The following ALCAM variants were observed in gnomAD, a reference collection of about 807,000 sequenced individuals.
ALCAM encodes CD166 antigen.
ALCAM carries 30 observed loss-of-function variants against 70.9 expected under a neutral mutation model. The observed-to-expected ratio is 0.42, with a 90% CI of 0.32 to 0.57. ALCAM has a LOEUF of 0.57. ALCAM is among the 20% of genes least tolerant of loss of function. The pLI is 0.11. For synonymous variants in ALCAM, 249 were observed against 242.5 expected, an observed-to-expected ratio of 1.03 and a Z score of -0.25; for missense variants, 591 against 695.1, an observed-to-expected ratio of 0.85 and a Z score of 1.68.
intron 1 of ALCAM, among the ~76,000 whole-genome samples, chr3:105,514,563 A>T (rs1559817491): frequency 6.6e-6 from 1 of 152,100 alleles, no homozygotes; most frequent in South Asian, 2.1e-4. Flanking sequence ...ATGGATTATT[A>T]TATTGGCTTA....
chr3:105,468,218 C>T (rs1937806273), intron 1 of ALCAM, among the ~76,000 whole-genome samples: 3 of 151,340 alleles, frequency 2.0e-5, no homozygotes, highest in Admixed American at 1.3e-4. Flanking sequence ...CGTTCTCTTT[C>T]TCTGGCACTA....
At chr3:105,439,022 G>A (rs540784699) in intron 1 of ALCAM, among the ~76,000 whole-genome samples, 1 of 152,270 alleles carries the variant, frequency 6.6e-6, no homozygotes, top group East Asian at 1.9e-4. Context: ...TTGCAAAATA[G>A]GTGAAAGCAT....
At chr3:105,393,265 A>G (rs1935867861) in intron 1 of ALCAM, among the ~76,000 whole-genome samples, 1 of 151,802 alleles carries the variant, frequency 6.6e-6, no homozygotes, top group Non-Finnish European at 1.5e-5. Context: ...GATGTTTTGA[A>G]GTGATTTGCA....
intron 1 of ALCAM, among the ~76,000 whole-genome samples, chr3:105,509,472 G>A (rs899152296): frequency 3.9e-5 from 6 of 151,952 alleles, no homozygotes; most frequent in Non-Finnish European, 8.8e-5. Flanking sequence ...GTGATGTTGA[G>A]TACCTTTTCA....
At chr3:105,559,638 A>G (rs1229807637) in intron 14 of ALCAM, among the ~76,000 whole-genome samples, 1 of 152,110 alleles carries the variant, frequency 6.6e-6, no homozygotes, top group Non-Finnish European at 1.5e-5. Flanking sequence ...CATTCAGTAT[A>G]TAGCAGTGAC....
chr3:105,453,430 C>T (rs576133504), intron 1 of ALCAM, among the ~76,000 whole-genome samples: 1 of 152,156 alleles, frequency 6.6e-6, no homozygotes, highest in South Asian at 2.1e-4. Context: ...GCATTGGTCC[C>T]AATGTCTGTG....
At chr3:105,475,188 C>T (rs1938072396) in intron 1 of ALCAM, among the ~76,000 whole-genome samples, 1 of 151,736 alleles carries the variant, frequency 6.6e-6, no homozygotes, top group South Asian at 2.1e-4. Flanking sequence ...TGTTTTGAAG[C>T]CTGGATTTTG....
chr3:105,460,649 A>C (rs1049712506), intron 1 of ALCAM, among the ~76,000 whole-genome samples: 5 of 151,968 alleles, frequency 3.3e-5, no homozygotes, highest in African/African-American at 9.7e-5. Flanking sequence ...CAGAGGCAAA[A>C]GAAACACAGA....
rs1308675595 is a variant in ALCAM at position 105,575,496 on chromosome 3, C to A, written c.*1045C>A. The A allele has an allele frequency of 2.0e-5, 3 of 152,460 alleles. No homozygotes were observed. In the South Asian group the frequency reaches 6.2e-4, roughly 32 times the overall value. 9.4% of individuals were successfully genotyped at this position (152,460 alleles called of 1,614,324 possible). ...GTGTGTGTTTTTGTTAACTACCCTA[C>A]AGATATTGAATGCACCTTGAGATAA... On this transcript the variant is annotated 3_prime_UTR_variant, in exon 16 of 16. Transcript: ENST00000306107.
At chr3:105,379,128 A>G (rs765118885) in intron 1 of ALCAM, among the ~76,000 whole-genome samples, 1 of 152,010 alleles carries the variant, frequency 6.6e-6, no homozygotes, top group Admixed American at 6.6e-5. Context: ...AGCCAAGTTC[A>G]TTTGGTAGGA....
chr3:105,542,350 A>G (rs1191669881), intron 8 of ALCAM, among the ~76,000 whole-genome samples: 2 of 151,824 alleles, frequency 1.3e-5, no homozygotes, highest in Non-Finnish European at 2.9e-5. Flanking sequence ...ATCTCCAAAT[A>G]CTCCAAAAAT....
intron 1 of ALCAM, among the ~76,000 whole-genome samples, chr3:105,420,275 G>A (rs1003141238): frequency 4.6e-5 from 7 of 151,242 alleles, no homozygotes; most frequent in Admixed American, 2.6e-4. Flanking sequence ...TAAAAAAATG[G>A]TCTTCTCAGT....
At chr3:105,472,981 T>A (rs781146224) in intron 1 of ALCAM, among the ~76,000 whole-genome samples, 1 of 151,476 alleles carries the variant, frequency 6.6e-6, no homozygotes, top group Non-Finnish European at 1.5e-5. Context: ...AGTAATTTTT[T>A]AATAACTATT....
chr3:105,405,538 C>T (rs1936206924), intron 1 of ALCAM, among the ~76,000 whole-genome samples: 1 of 152,138 alleles, frequency 6.6e-6, no homozygotes, highest in African/African-American at 2.4e-5. Flanking sequence ...TTAAACTATA[C>T]TTTATAACAA....
At position 105,524,296 on chromosome 3, in the gene ALCAM, C is replaced by G; in HGVS notation, c.182C>G (p.Pro61Arg). 6.2e-7 allele frequency: 1 copy of G among 1,612,398 alleles called. No individual in the cohort carries two copies. The highest frequency in any genetic ancestry group is 8.5e-7 in the Non-Finnish European group (1 of 1,179,090). The change falls in exon 3 of 16, where the codon CCC (proline) becomes CGC (arginine). Residue 61 changes from proline (P) to arginine (R), a missense_variant. Pro to Arg is a moderately radical substitution (Grantham distance 103). Around this residue, in one of 2 missense-constraint regions of ALCAM, gnomAD observed 427 missense variants for 450.4 expected, o/e 0.95. Transcript: ENST00000306107. ...TATTATTTTAATTTTTAGGAAAAGC[C>G]CGATGGCTCCCCAGTATTTATTGCC... ...LMFGKWKYEK[P>R]DGSPVFIAFR...
Position 105,547,210 on chromosome 3 carries a change from A to T in ALCAM, c.1166A>T (p.Asn389Ile). ...FSSLHYQDAG[N>I]YVCETALQEV... ...AGTCTTCATTATCAGGATGCTGGAA[A>T]CTATGTCTGCGAAACTGCTCTGCAG... is the stretch of plus-strand genomic sequence containing the variant. The change falls in exon 10 of 16, where the codon AAC (asparagine) becomes ATC (isoleucine). Residue 389 changes from asparagine (N) to isoleucine (I), a missense_variant. Coordinates refer to ENST00000306107, the MANE Select transcript of ALCAM (RefSeq NM_001627.4). 2 of 1,608,780 alleles carry T rather than the reference A, an allele frequency of 1.2e-6. No individual in the cohort carries two copies. Among genetic ancestry groups the T allele is most frequent in the Admixed American group, 1.7e-5 (1 of 59,460 alleles).
chr3:105,535,242 ATGT>A (rs201992184), intron 6 of ALCAM, among the ~76,000 whole-genome samples: 2,326 of 152,262 alleles, frequency 0.015, 50 homozygotes, highest in African/African-American at 0.048. Flanking sequence ...GTTTGATAGG[ATGT>A]TGTATTACAA....
At chr3:105,454,334 CA>C (rs1559796957) in intron 1 of ALCAM, among the ~76,000 whole-genome samples, 1 of 152,048 alleles carries the variant, frequency 6.6e-6, no homozygotes, top group South Asian at 2.1e-4. Flanking sequence ...CTATTTTAAG[CA>C]AAAAGATAAT....
chr3:105,545,238 T>A lies in ALCAM; in HGVS notation c.1007T>A (p.Leu336Ter). ...AITVHYLDLS[L>*]NPSGEVTRQI... The stretch of plus-strand genomic sequence containing the variant: ...TGCTTCACAGATTTGGATTTGTCCT[T>A]AAACCCAAGTGGAGAAGTGACTAGA... The change falls in exon 9 of 16, where the codon TTA becomes TAA. Residue 336 changes from leucine to a stop codon, truncating the protein, a stop_gained. Coordinates refer to ENST00000306107, the MANE Select transcript of ALCAM (RefSeq NM_001627.4). LOFTEE classifies it high-confidence loss of function. The A allele has an allele frequency of 6.2e-7, 1 of 1,607,502 alleles. No homozygotes were observed. Among genetic ancestry groups the A allele is most frequent in the Non-Finnish European group, 8.5e-7 (1 of 1,174,926 alleles).
Sources: gnomAD v4.1 joint callset for allele counts (sites outside exome capture counted in the v4.1 genomes callset) on GRCh38, gnomAD v4.1.1 for gene constraint, gnomAD v4.1.1 regional missense constraint, MANE v1.5 for transcripts, NCBI Gene and HGNC (gene_info 2026-07-23, HGNC 2026-07-21) for gene names.